The following SLC44A3 variants were observed in gnomAD, a reference collection of about 807,000 sequenced individuals.
SLC44A3 encodes solute carrier family 44 member 3.
A neutral mutation model predicts 75.4 loss-of-function variants in SLC44A3; 74 were observed. The observed-to-expected ratio is 0.98, with a 90% CI of 0.81 to 1.19. SLC44A3 has a LOEUF of 1.19. Among genes scored for constraint, SLC44A3 ranks in the 50% most tolerant of loss-of-function variants. SLC44A3 has a pLI of 0.00. For synonymous variants in SLC44A3, 310 were observed against 296.9 expected, an observed-to-expected ratio of 1.04 and a Z score of -0.45; for missense variants, 700 against 778.6, an observed-to-expected ratio of 0.90 and a Z score of 1.20.
At chr1:94,880,599 G>A (rs1335139972) in intron 12 of SLC44A3, among the ~76,000 whole-genome samples, 10 of 151,138 alleles carry the variant, frequency 6.6e-5, no homozygotes, top group Admixed American at 6.6e-4. Context: ...TACTTTAAAT[G>A]CTGAATGTAG....
intron 9 of SLC44A3, among the ~76,000 whole-genome samples, chr1:94,848,607 G>A (rs1455591481): frequency 6.6e-6 from 1 of 152,172 alleles, no homozygotes; most frequent in East Asian, 1.9e-4. Context: ...ATGTTTTGGA[G>A]CAGGGATGGT....
intron 1 of SLC44A3, 97 bp downstream of exon 1, chr1:94,820,575 T>A: frequency 7.0e-7 from 1 of 1,431,228 alleles, no homozygotes; most frequent in Non-Finnish European, 9.2e-7. Flanking sequence ...CTTCCGCCTT[T>A]CCCGCGCCTC....
At chr1:94,829,820 A>T (rs1291730613) in intron 5 of SLC44A3, among the ~76,000 whole-genome samples, 28 of 152,084 alleles carry the variant, frequency 1.8e-4, no homozygotes, top group Non-Finnish European at 1.2e-4. Context: ...TGTTTATTGA[A>T]CTCTTGTTTG....
At position 94,857,423 on chromosome 1, in the gene SLC44A3, C is replaced by T. The variant is rs375341080; in HGVS notation, c.1161C>T (p.Leu387=). ...RYMWSYHLIG[L]IWTSEFILAC... ...TGTGGTCGTACCATTTAATTGGCCT[C>T]ATCTGGACTAGTGAATTCATCCTTG... The change falls in exon 10 of 15, where the codon CTC becomes CTT. Residue 387 remains leucine, a synonymous_variant. Transcript: ENST00000271227. 6.8e-6 allele frequency: 11 copies of T among 1,614,032 alleles called. No individual in the cohort carries two copies. Among genetic ancestry groups the T allele is most frequent in the Non-Finnish European group, 9.3e-6 (11 of 1,180,026 alleles).
intron 12 of SLC44A3, among the ~76,000 whole-genome samples, chr1:94,890,907 T>A (rs949981592): frequency 1.3e-5 from 2 of 152,232 alleles, no homozygotes; most frequent in Non-Finnish European, 2.9e-5. Flanking sequence ...AGTGGGACAT[T>A]CATATTAACC....
rs191906963 is a variant in SLC44A3, at chr1:94,824,455, C to T, written c.136-38C>T. On this transcript the variant is annotated intron_variant, in intron 2 of 14. Coordinates refer to ENST00000271227, the MANE Select transcript of SLC44A3 (RefSeq NM_001114106.3). ...GGGTGTGGGGCACTGTGCGCTCAGCCCTTTGGCCAGGCTCTCATATGCCCC... is the reference window on the plus strand; with the variant it reads ...GGGTGTGGGGCACTGTGCGCTCAGCTCTTTGGCCAGGCTCTCATATGCCCC... 4.8e-4 allele frequency: 753 copies of T among 1,558,474 alleles called. 4 individuals are homozygous for T. The African/African-American group carries it at 9.2e-3, about 19-fold the overall frequency.
At chr1:94,839,876 A>C in intron 6 of SLC44A3, 72 bp from the exon 7 acceptor site, 1 of 1,072,638 alleles carries the variant, frequency 9.3e-7, no homozygotes, top group Admixed American at 1.7e-5. Flanking sequence ...GGGTTTTGTC[A>C]TCGCAGTACT....
intron 12 of SLC44A3, among the ~76,000 whole-genome samples, chr1:94,872,320 T>C (rs1453979948): frequency 6.6e-6 from 1 of 152,126 alleles, no homozygotes; most frequent in Admixed American, 6.5e-5. Flanking sequence ...GGTCTCGAAC[T>C]CCTGACCTCA....
chr1:94,891,749 C>G (rs966526389), intron 13 of SLC44A3, among the ~76,000 whole-genome samples: 1 of 151,934 alleles, frequency 6.6e-6, no homozygotes, highest in Non-Finnish European at 1.5e-5. Flanking sequence ...ATGGGAAAAC[C>G]CCGTCTCTAC....
chr1:94,870,692 T>G (rs1225493843), intron 12 of SLC44A3, among the ~76,000 whole-genome samples: 1 of 152,014 alleles, frequency 6.6e-6, no homozygotes, highest in Admixed American at 6.5e-5. Flanking sequence ...TTTTGTTTTC[T>G]TTTGTTTGAG....
intron 5 of SLC44A3, among the ~76,000 whole-genome samples, chr1:94,830,264 G>A (rs762364653): frequency 6.6e-6 from 1 of 152,166 alleles, no homozygotes; most frequent in Non-Finnish European, 1.5e-5. Context: ...CCAGGCTGGA[G>A]TGCAGTGGTG....
chr1:94,889,524 T>TCACACACACACACACACACA (rs57397808), intron 12 of SLC44A3, among the ~76,000 whole-genome samples: 2 of 111,734 alleles, frequency 1.8e-5, no homozygotes, highest in African/African-American at 5.3e-5. Context: ...GTGAACATAA[T>TCACACACACACACACACACA]CACACACACA....
rs755239228 is a variant in SLC44A3 at position 94,839,915 on chromosome 1, A to G, written c.671-33A>G. Reference sequence around the variant, plus strand: ...ATCATCTCCCCTATCCTTTGTTGCTATTGAGGTTTATGTGTTTTGCTTAAT... The same window carrying G: ...ATCATCTCCCCTATCCTTTGTTGCTGTTGAGGTTTATGTGTTTTGCTTAAT... On this transcript the variant is annotated intron_variant, in intron 6 of 14. Coordinates refer to ENST00000271227, the MANE Select transcript of SLC44A3 (RefSeq NM_001114106.3). 21 of 1,504,034 alleles carry G rather than the reference A, an allele frequency of 1.4e-5. No individual in the cohort carries two copies. In the East Asian group the frequency reaches 2.0e-4, roughly 15 times the overall value. The allele number at this position is 1,504,034 out of a possible 1,614,324, so 93.2% of individuals were successfully genotyped here. A position where few individuals can be genotyped will look rare whatever the true frequency, so the allele number is the denominator to read the frequency against.
intron 9 of SLC44A3, among the ~76,000 whole-genome samples, chr1:94,846,510 A>T (rs1443825727): frequency 6.6e-6 from 1 of 152,196 alleles, no homozygotes; most frequent in East Asian, 1.9e-4. Context: ...TCCTTCATTG[A>T]GAAAGTTTTG....
chr1:94,824,512 C>G lies in SLC44A3; in HGVS notation c.155C>G (p.Ser52Trp). The change falls in exon 3 of 15, where the codon TCG becomes TGG. Residue 52 changes from serine to tryptophan, a missense_variant. By Grantham distance (177) the Ser-to-Trp change is radical. Transcript: ENST00000271227. The stretch of plus-strand genomic sequence containing the variant: ...TGCCAGGTGTTTATCATGGGCTACT[C>G]GGTGGTGGCTGGAGCCGCGGGAAGA... ...WTGLVFIMGY[S>W]VVAGAAGRLL... The G allele has an allele frequency of 6.2e-7, 1 of 1,606,782 alleles. No individual in the cohort carries two copies. Among genetic ancestry groups the G allele is most frequent in the Non-Finnish European group, 8.5e-7 (1 of 1,177,910 alleles).
intron 5 of SLC44A3, among the ~76,000 whole-genome samples, chr1:94,835,251 AC>A (rs1464165236): frequency 6.6e-6 from 1 of 152,196 alleles, no homozygotes; most frequent in African/African-American, 2.4e-5. Flanking sequence ...GGAGTTCAAG[AC>A]CAGTTTGGGC....
At position 94,864,826 on chromosome 1, in the gene SLC44A3, G is replaced by T. The variant is rs781545606; in HGVS notation, c.1322G>T (p.Gly441Val). The change falls in exon 11 of 15, where the codon GGG becomes GTG. Residue 441 changes from glycine (G) to valine (V), a missense_variant. Physicochemically the swap from Gly to Val is moderately radical, Grantham distance 109. Coordinates refer to ENST00000271227, the MANE Select transcript of SLC44A3 (RefSeq NM_001114106.3). ...FFYHQGTVVK[G>V]SFLISVVRIP... is the part of the protein sequence containing the mutation. ...TACCATCAAGGAACCGTTGTGAAAG[G>T]GTCATTTTTAATCTCTGTGGTGAGG... 1 of 1,613,826 alleles carries T rather than the reference G, an allele frequency of 6.2e-7. No individual in the cohort carries two copies. Among genetic ancestry groups the T allele is most frequent in the Non-Finnish European group, 8.5e-7 (1 of 1,179,886 alleles).
At chr1:94,884,288 C>G (rs960424486) in intron 12 of SLC44A3, among the ~76,000 whole-genome samples, 4 of 151,914 alleles carry the variant, frequency 2.6e-5, no homozygotes, top group Admixed American at 1.3e-4. Context: ...GGGATCTGAA[C>G]GGTGAATGCA....
In SLC44A3 at chr1:94,879,422, C is replaced by CT. The variant is rs1462055754; in HGVS notation, c.1483-11706dup. 3.3e-5 allele frequency among the ~76,000 whole-genome samples: 5 copies of CT among 151,186 alleles called. No homozygotes were observed. The East Asian group carries it at 9.8e-4, about 30-fold the overall frequency. On this transcript the variant is annotated intron_variant, in intron 12 of 14. Transcript: ENST00000271227. ...TGGTGCATGCCTGTAATCCCAGCTA[C>CT]TTGGGAGGCTGAAGCGGGAGAATTG...
Sources: gnomAD v4.1 joint callset for allele counts (sites outside exome capture counted in the v4.1 genomes callset) on GRCh38, gnomAD v4.1.1 for gene constraint, MANE v1.5 for transcripts, NCBI Gene and HGNC (gene_info 2026-07-23, HGNC 2026-07-21) for gene names.